Variants in KLHL29 observed in about 807,000 individuals in gnomAD.
KLHL29 encodes kelch-like protein 29.
A neutral mutation model predicts 80.4 loss-of-function variants in KLHL29; 21 were observed. That is an observed-to-expected ratio of 0.26 (90% CI 0.19 to 0.38). KLHL29 has a LOEUF of 0.38. KLHL29 is among the 10% of genes least tolerant of loss of function. The pLI is 1.00. For synonymous variants in KLHL29, 511 were observed against 526.8 expected, an observed-to-expected ratio of 0.97 and a Z score of 0.41; for missense variants, 867 against 1,223.9, an observed-to-expected ratio of 0.71 and a Z score of 4.35.
chr2:23,546,100 C>T (rs1482895689), intron 2 of KLHL29, among the ~76,000 whole-genome samples: 1 of 152,238 alleles, frequency 6.6e-6, no homozygotes, highest in Admixed American at 6.5e-5. Context: ...AGACAGCTCT[C>T]CAGACCCTCT....
At chr2:23,390,426 G>T (rs1666289173) in intron 1 of KLHL29, among the ~76,000 whole-genome samples, 1 of 152,112 alleles carries the variant, frequency 6.6e-6, no homozygotes, top group Non-Finnish European at 1.5e-5. Flanking sequence ...CCATTTACAG[G>T]CTGCCATTGG....
intron 4 of KLHL29, among the ~76,000 whole-genome samples, chr2:23,640,908 G>A (rs779828991): frequency 1.1e-4 from 17 of 152,138 alleles, no homozygotes; most frequent in Non-Finnish European, 1.6e-4. Context: ...GTAGTGACCC[G>A]CCATCTTAGC....
intron 1 of KLHL29, among the ~76,000 whole-genome samples, chr2:23,440,693 G>C (rs1419712869): frequency 6.6e-6 from 1 of 152,004 alleles, no homozygotes; most frequent in Non-Finnish European, 1.5e-5. Flanking sequence ...CTTCTCAAAA[G>C]AAGACATTTA....
chr2:23,676,007 GA>G (rs1670909554), intron 5 of KLHL29, among the ~76,000 whole-genome samples: 1 of 152,160 alleles, frequency 6.6e-6, no homozygotes, highest in Non-Finnish European at 1.5e-5. Flanking sequence ...AGGCCAGAGA[GA>G]AAAGCCCTCC....
At chr2:23,690,114 C>T (rs899463178) in intron 6 of KLHL29, 10 of 152,296 alleles carry the variant, frequency 6.6e-5, no homozygotes, top group Non-Finnish European at 1.5e-4. Context: ...TGCACCTCCC[C>T]CTCTCCTCCT....
At chr2:23,427,007 A>T (rs1339641405) in intron 1 of KLHL29, among the ~76,000 whole-genome samples, 1 of 152,200 alleles carries the variant, frequency 6.6e-6, no homozygotes, top group East Asian at 1.9e-4. Flanking sequence ...TGTGGATTTG[A>T]GCCATTAAAC....
At chr2:23,554,194 CT>C (rs1043645049) in intron 2 of KLHL29, among the ~76,000 whole-genome samples, 6 of 152,240 alleles carry the variant, frequency 3.9e-5, no homozygotes, top group African/African-American at 1.4e-4. Flanking sequence ...CAGAGAGTTC[CT>C]TTGTGTTGCA....
At chr2:23,635,096 C>T (rs761456505) in intron 3 of KLHL29, among the ~76,000 whole-genome samples, 26 of 152,214 alleles carry the variant, frequency 1.7e-4, no homozygotes, top group Non-Finnish European at 2.9e-4. Context: ...CTCAAACCTC[C>T]CTGGCCACAC....
chr2:23,580,340 C>A (rs892946921), intron 3 of KLHL29, among the ~76,000 whole-genome samples: 2 of 148,382 alleles, frequency 1.3e-5, no homozygotes, highest in Non-Finnish European at 3.0e-5. Flanking sequence ...CCACTGCACT[C>A]CAGCCTGGGT....
At chr2:23,446,116 T>A (rs1355069066) in intron 1 of KLHL29, among the ~76,000 whole-genome samples, 1 of 152,168 alleles carries the variant, frequency 6.6e-6, no homozygotes, top group African/African-American at 2.4e-5. Flanking sequence ...ACTTTTCCAC[T>A]CCCTGGTGAT....
intron 6 of KLHL29, chr2:23,691,459 A>G (rs1045345563): frequency 3.4e-6 from 2 of 595,798 alleles, no homozygotes; most frequent in Non-Finnish European, 6.0e-6. Context: ...CCGAGTAGTG[A>G]TAAGCAGGGT....
chr2:23,614,786 C>T (rs1295830541), intron 3 of KLHL29, among the ~76,000 whole-genome samples: 1 of 152,100 alleles, frequency 6.6e-6, no homozygotes, highest in Non-Finnish European at 1.5e-5. Context: ...GAGGGAGGAA[C>T]ATTGCAGGCT....
intron 1 of KLHL29, among the ~76,000 whole-genome samples, chr2:23,386,014 A>T (rs2103378054): frequency 6.6e-6 from 1 of 151,692 alleles, no homozygotes; most frequent in African/African-American, 2.4e-5. Flanking sequence ...GGGGGAAAAA[A>T]CTTCCTGCCC....
intron 1 of KLHL29, among the ~76,000 whole-genome samples, chr2:23,387,720 G>C (rs1049731772): frequency 2.0e-5 from 3 of 152,078 alleles, no homozygotes; most frequent in African/African-American, 7.2e-5. Context: ...TGTTTATACA[G>C]GTATGGAGCT....
intron 3 of KLHL29, among the ~76,000 whole-genome samples, chr2:23,627,690 G>A (rs1669352192): frequency 6.6e-6 from 1 of 151,084 alleles, no homozygotes; most frequent in Admixed American, 6.6e-5. Flanking sequence ...CTCTTGTTAG[G>A]TGTCTAATAA....
At position 23,684,159 on chromosome 2, in the gene KLHL29, G is replaced by T. The variant is rs1017948510; in HGVS notation, c.941-240G>T. 7.9e-5 allele frequency among the ~76,000 whole-genome samples: 12 copies of T among 151,854 alleles called. No individual in the cohort carries two copies. The highest frequency in any genetic ancestry group is 2.6e-4 in the Admixed American group (4 of 15,258). On this transcript the variant is annotated intron_variant, in intron 5 of 13. Coordinates refer to ENST00000486442, the MANE Select transcript of KLHL29 (RefSeq NM_052920.2). This position sits in a 1 kb window ranked among gnomAD's most constrained non-coding sequence, Gnocchi z 4.4. The stretch of plus-strand genomic sequence containing the variant: ...GGTTTGATTTTTTGTATCATATTTG[G>T]TTTTTTTGCTTTTTAAAGTTGTGAT...
intron 2 of KLHL29, among the ~76,000 whole-genome samples, chr2:23,501,852 TCCCATCAG>T (rs1331691662): frequency 1.3e-5 from 2 of 152,152 alleles, no homozygotes; most frequent in Non-Finnish European, 2.9e-5. Flanking sequence ...AAAAGAGCAT[TCCCATCAG>T]CCCAGAAAGC....
At chr2:23,590,171 C>T (rs1042496453) in intron 3 of KLHL29, among the ~76,000 whole-genome samples, 32 of 152,360 alleles carry the variant, frequency 2.1e-4, no homozygotes, top group African/African-American at 7.7e-4. Context: ...GCTTCCTGGC[C>T]CCAAGCCCGC....
At chr2:23,405,468 T>C (rs1191474502) in intron 1 of KLHL29, among the ~76,000 whole-genome samples, 3 of 152,200 alleles carry the variant, frequency 2.0e-5, no homozygotes, top group Non-Finnish European at 4.4e-5. Context: ...ATACGTTTAG[T>C]GTTTTGGAAA....
Sources: gnomAD v4.1 joint callset for allele counts (sites outside exome capture counted in the v4.1 genomes callset) on GRCh38, gnomAD v4.1.1 for gene constraint, Gnocchi (gnomAD v3.1) non-coding constraint, MANE v1.5 for transcripts, NCBI Gene and HGNC (gene_info 2026-07-23, HGNC 2026-07-21) for gene names.